ZNF808: variants seen among roughly 807,000 people sequenced by gnomAD.
The protein encoded by ZNF808 is zinc finger protein 808.
A neutral mutation model predicts 8.7 loss-of-function variants in ZNF808; 5 were observed. That is an observed-to-expected ratio of 0.58 (90% CI 0.30 to 1.21). The LOEUF (loss-of-function observed/expected upper bound fraction) is 1.21, where lower values mean the gene tolerates loss of function less well. Ranked by LOEUF, ZNF808 falls within the 50% of genes most tolerant of loss-of-function variation. The pLI is 0.07. For missense variants in ZNF808, 1,103 were observed against 1,098.4 expected (o/e 1.00, Z -0.06); for synonymous variants, 380 against 366.0 (o/e 1.04, Z -0.44).
At chr19:52,535,402 C>T (rs566974351) in intron 2 of ZNF808, among the ~76,000 whole-genome samples, 3 of 150,606 alleles carry the variant, frequency 2.0e-5, no homozygotes, top group Non-Finnish European at 3.0e-5. Context: ...GGGAGCCCTG[C>T]GGGAGGGGGT....
intron 2 of ZNF808, among the ~76,000 whole-genome samples, chr19:52,538,311 C>T (rs539698628): frequency 2.0e-4 from 26 of 129,018 alleles, no homozygotes; most frequent in Admixed American, 1.7e-3. Flanking sequence ...GATGAGCCAC[C>T]GCGCCCGGCC....
intron 2 of ZNF808, among the ~76,000 whole-genome samples, chr19:52,540,936 C>G (rs2123117966): frequency 6.6e-6 from 1 of 152,098 alleles, no homozygotes; most frequent in South Asian, 2.1e-4. Flanking sequence ...ATAAGATGGT[C>G]CTGGAATTTT....
intron 1 of ZNF808, among the ~76,000 whole-genome samples, chr19:52,532,593 A>G (rs1360303449): frequency 2.0e-5 from 3 of 152,104 alleles, no homozygotes; most frequent in Non-Finnish European, 4.4e-5. Context: ...TGTGACAGTG[A>G]TATGTTTTTT....
chr19:52,567,483 T>TTTTTTA (rs1555770937), downstream of ZNF808, among the ~76,000 whole-genome samples: 1 of 130,858 alleles, frequency 7.6e-6, no homozygotes, highest in East Asian at 2.2e-4. Context: ...TCCAGCTGTA[T>TTTTTTA]TTTTTATTAT....
At chr19:52,562,933 C>T (rs924298129) in intron 3 of ZNF808, among the ~76,000 whole-genome samples, 10 of 152,052 alleles carry the variant, frequency 6.6e-5, no homozygotes, top group African/African-American at 2.4e-4. Flanking sequence ...ACCACCGTGC[C>T]CAGCTAATTT....
intron 3 of ZNF808, among the ~76,000 whole-genome samples, chr19:52,545,980 G>A (rs1222713762): frequency 6.6e-6 from 1 of 152,100 alleles, no homozygotes; most frequent in African/African-American, 2.4e-5. Context: ...CCAGACATCT[G>A]GATTCAGTGC....
chr19:52,552,603 C>A (rs1386702695), intron 4 of ZNF808, among the ~76,000 whole-genome samples: 1 of 151,142 alleles, frequency 6.6e-6, no homozygotes, highest in Non-Finnish European at 1.5e-5. Flanking sequence ...TTCTTATCTT[C>A]TCAGTGCTAT....
At chr19:52,536,019 G>A in intron 2 of ZNF808, 1 of 166,160 alleles carries the variant, frequency 6.0e-6, no homozygotes, top group Admixed American at 6.2e-5. Flanking sequence ...GAGGCGGATC[G>A]CGTGGAGTGA....
intron 1 of ZNF808, among the ~76,000 whole-genome samples, chr19:52,528,800 CA>C (rs1261449763): frequency 3.3e-5 from 5 of 151,734 alleles, no homozygotes; most frequent in Admixed American, 3.3e-4. Flanking sequence ...ACAGGGAGAG[CA>C]GAGGAGGCGC....
At chr19:52,557,330 G>A (rs1189018366), downstream of ZNF808, among the ~76,000 whole-genome samples, 3 of 150,956 alleles carry the variant, frequency 2.0e-5, no homozygotes, top group African/African-American at 2.4e-5. Context: ...GCAATGGTGC[G>A]ATCTGGTGTC....
chr19:52,564,008 C>A, exon 4 of ZNF808: 1 of 458,752 alleles, frequency 2.2e-6, no homozygotes, highest in South Asian at 1.8e-5. Context: ...AACAAACAAA[C>A]AAAAAGGTCT....
rs2059810738 is a variant in ZNF808, at chr19:52,554,345, C to T, written c.1429C>T (p.His477Tyr). ...NSQLARHRRI[H>Y]TGEKTYKCNE... ...ACAGCTGGCACGACATAGAAGAATTCACACTGGAGAGAAAACTTACAAGTG... is the reference window on the plus strand; with the variant it reads ...ACAGCTGGCACGACATAGAAGAATTTACACTGGAGAGAAAACTTACAAGTG... The change falls in exon 5 of 5, where the codon CAC becomes TAC. Residue 477 changes from histidine (H) to tyrosine (Y), a missense_variant. Transcript: ENST00000359798. 2 of 1,613,914 alleles carry T rather than the reference C, an allele frequency of 1.2e-6. No individual in the cohort carries two copies. Among genetic ancestry groups the T allele is most frequent in the Non-Finnish European group, 1.7e-6 (2 of 1,179,982 alleles).
downstream of ZNF808, among the ~76,000 whole-genome samples, chr19:52,565,422 A>G (rs979058584): frequency 1.3e-5 from 2 of 152,218 alleles, no homozygotes; most frequent in African/African-American, 4.8e-5. Flanking sequence ...ATTCCTAAAC[A>G]ATATAGCTAC....
chr19:52,562,940 AT>A (rs2059862646), intron 3 of ZNF808, among the ~76,000 whole-genome samples: 1 of 151,798 alleles, frequency 6.6e-6, no homozygotes, highest in African/African-American at 2.4e-5. Context: ...TGCCCAGCTA[AT>A]TTTTTTGTAT....
intron 2 of ZNF808, 52 bp downstream of exon 2, chr19:52,533,061 T>C (rs1261998812): frequency 1.3e-5 from 2 of 152,388 alleles, no homozygotes; most frequent in Non-Finnish European, 2.9e-5. Flanking sequence ...ATGAGAGGTA[T>C]AATTCCTCCT....
intron 3 of ZNF808, 62 bp from the exon 4 acceptor site, chr19:52,547,450 T>C: frequency 2.5e-6 from 4 of 1,606,544 alleles, no homozygotes; most frequent in Admixed American, 1.7e-5. Flanking sequence ...TTTTCTCATT[T>C]CCTGTGAAGG....
At chr19:52,533,802 C>T (rs2059580873) in intron 2 of ZNF808, among the ~76,000 whole-genome samples, 3 of 132,202 alleles carry the variant, frequency 2.3e-5, no homozygotes, top group Non-Finnish European at 4.6e-5. Context: ...AAGATTGTGC[C>T]ACTGCACTGT....
intron 3 of ZNF808, among the ~76,000 whole-genome samples, chr19:52,544,576 A>T (rs1458449400): frequency 1.3e-5 from 2 of 152,078 alleles, no homozygotes; most frequent in East Asian, 1.9e-4. Context: ...TGATCTGCCT[A>T]TCTCGGACTC....
chr19:52,549,021 C>A (rs1247220929), intron 4 of ZNF808, among the ~76,000 whole-genome samples: 1 of 151,874 alleles, frequency 6.6e-6, no homozygotes, highest in Admixed American at 6.6e-5. Context: ...CACCCAGGCT[C>A]AAGTGCAGTG....
Sources: allele counts gnomAD v4.1 joint callset (sites outside exome capture counted in the v4.1 genomes callset), GRCh38; gene constraint gnomAD v4.1.1; transcripts MANE v1.5; gene names NCBI Gene and HGNC (gene_info 2026-07-23, HGNC 2026-07-21).